RIMS3: variants seen among roughly 807,000 people sequenced by gnomAD.
RIMS3 encodes the protein regulating synaptic membrane exocytosis 3, also known as regulating synaptic membrane exocytosis protein 3.
RIMS3 carries 15 observed loss-of-function variants against 29.2 expected under a neutral mutation model. The observed-to-expected ratio is 0.51, with a 90% CI of 0.34 to 0.79. The LOEUF (loss-of-function observed/expected upper bound fraction) is 0.79. Ranked by LOEUF, RIMS3 falls within the 30% of genes least tolerant of loss-of-function variation. RIMS3 has a pLI of 0.01. For synonymous variants in RIMS3, 161 were observed against 170.1 expected (o/e 0.95, Z 0.41); for missense variants, 342 against 421.4 (o/e 0.81, Z 1.65).
At chr1:40,663,667 G>A (rs1642384485) in intron 1 of RIMS3, among the ~76,000 whole-genome samples, 1 of 152,218 alleles carries the variant, frequency 6.6e-6, no homozygotes, top group Non-Finnish European at 1.5e-5. Flanking sequence ...GTTCTGCGCA[G>A]TAAAATCCAA....
chr1:40,655,154 G>T (rs1203577867), intron 1 of RIMS3, among the ~76,000 whole-genome samples: 1 of 152,176 alleles, frequency 6.6e-6, no homozygotes, highest in Non-Finnish European at 1.5e-5. Context: ...GGACAAAGCG[G>T]GGAGTAGGGG....
At chr1:40,674,974 T>G in the RIMS3 span, among the ~76,000 whole-genome samples, 1 of 152,322 alleles carries the variant, frequency 6.6e-6, no homozygotes, top group Admixed American at 6.5e-5. Flanking sequence ...AGAAAGACAT[T>G]GTTGTCCCAG....
At chr1:40,662,076 A>G (rs1642360656) in intron 1 of RIMS3, among the ~76,000 whole-genome samples, 1 of 152,206 alleles carries the variant, frequency 6.6e-6, no homozygotes, top group African/African-American at 2.4e-5. Context: ...TGAGGGCCAT[A>G]GACCCTAACA....
the RIMS3 span, among the ~76,000 whole-genome samples, chr1:40,682,741 C>CTTTTTTTTTTTTTGTTTTTTTTTTTTT: frequency 1.3e-5 from 1 of 77,514 alleles, no homozygotes; most frequent in Non-Finnish European, 2.5e-5. Context: ...CTTTGCAGAT[C>CTTTTTTTTTTTTTGTTTTTTTTTTTTT]TTTTTTTTTT....
chr1:40,648,998 C>T (rs1646613263), intron 1 of RIMS3, among the ~76,000 whole-genome samples: 1 of 152,202 alleles, frequency 6.6e-6, no homozygotes. Flanking sequence ...GCTCCTTCGG[C>T]TCTAGTCTCT....
Position 40,635,766 on chromosome 1 carries a change from A to G in RIMS3, c.359+150T>C. The G allele has an allele frequency of 1.0e-6, 1 of 959,300 alleles. No homozygotes were observed. Among genetic ancestry groups the G allele is most frequent in the Non-Finnish European group, 1.6e-6 (1 of 634,084 alleles). The allele number at this position is 959,300 out of a possible 1,614,324, so 59.4% of individuals were successfully genotyped here. On this transcript the variant is annotated intron_variant, in intron 4 of 7. Transcript: ENST00000372684. The surrounding 1 kb of genome is among the most constrained non-coding windows in gnomAD (Gnocchi z 4.1). The stretch of plus-strand genomic sequence containing the variant: ...CCTGAGGTCCAGGCACAGAGTGTTG[A>G]GGGGAGGGGTATGAAGGAAGGCAGA...
At chr1:40,668,491 C>CGGGGGGGGGGGGGGGGTGGGGGGGGGG (rs56114535), upstream of RIMS3, among the ~76,000 whole-genome samples, 1 of 51,586 alleles carries the variant, frequency 1.9e-5, no homozygotes, top group African/African-American at 7.7e-5. Flanking sequence ...GGGTTGTGGG[C>CGGGGGGGGGGGGGGGGTGGGGGGGGGG]GGGGGGGGGG....
chr1:40,629,516 T>G, intron 5 of RIMS3, 144 bp from the exon 6 acceptor site: 1 of 723,292 alleles, frequency 1.4e-6, no homozygotes, highest in East Asian at 2.8e-5. Context: ...GGGCCAAAAC[T>G]GCTCTCGGAA....
chr1:40,635,627 C>T lies in RIMS3; in HGVS notation c.359+289G>A, dbSNP rs1646514254. On this transcript the variant is annotated intron_variant, in intron 4 of 7. Transcript: ENST00000372684. This position sits in a 1 kb window ranked among gnomAD's most constrained non-coding sequence, Gnocchi z 4.1. The stretch of plus-strand genomic sequence containing the variant: ...TTCCACCCTTTCCTCTGGAGCAGGG[C>T]AGTGTGTGCGTGGTGGGAGGTGGGA... Among the ~76,000 whole-genome samples, 1 of 152,134 alleles carries T rather than the reference C, an allele frequency of 6.6e-6. No homozygotes were observed. Among genetic ancestry groups the T allele is most frequent in the African/African-American group, 2.4e-5 (1 of 41,428 alleles).
chr1:40,687,627 G>C, the RIMS3 span: 1 of 131,164 alleles, frequency 7.6e-6, no homozygotes, highest in African/African-American at 3.0e-5. Flanking sequence ...AAAAAAAAAT[G>C]GTTAAACCTG....
At chr1:40,643,742 G>A (rs1557675557) in intron 2 of RIMS3, among the ~76,000 whole-genome samples, 1 of 152,126 alleles carries the variant, frequency 6.6e-6, no homozygotes, top group Non-Finnish European at 1.5e-5. Flanking sequence ...GCCTCCCAAA[G>A]TTCTGGGATT....
the RIMS3 span, chr1:40,691,447 G>A: frequency 2.6e-5 from 7 of 268,710 alleles, no homozygotes; most frequent in South Asian, 2.0e-4. Context: ...CTCGCACCAA[G>A]GAGATCCACA....
In RIMS3 at chr1:40,634,868, G is replaced by A. The variant is rs567194728; in HGVS notation, c.359+1048C>T. ...AGGCAGGAGAATCGCTTGAACCTGG[G>A]AGGTGGAGGTTGTGGTGAGCTGAGA... is the stretch of plus-strand genomic sequence containing the variant. On this transcript the variant is annotated intron_variant, in intron 4 of 7. Transcript: ENST00000372684. Among the ~76,000 whole-genome samples, 144 of 151,864 alleles carry A rather than the reference G, an allele frequency of 9.5e-4. 2 individuals carry two copies. Among genetic ancestry groups the A allele is most frequent in the Admixed American group, 9.4e-3 (144 of 15,276 alleles).
intron 2 of RIMS3, among the ~76,000 whole-genome samples, chr1:40,645,539 G>A (rs1464941301): frequency 6.6e-6 from 1 of 152,122 alleles, no homozygotes; most frequent in Admixed American, 6.6e-5. Flanking sequence ...GGGTCTCTGG[G>A]CCCTTTGAGA....
At chr1:40,666,991 C>T (rs913047546), upstream of RIMS3, among the ~76,000 whole-genome samples, 2 of 152,138 alleles carry the variant, frequency 1.3e-5, no homozygotes, top group Admixed American at 6.5e-5. Flanking sequence ...CACCACTGCA[C>T]TCCAGCCTGA....
rs1646427588 is a variant in RIMS3 at position 40,622,483 on chromosome 1, T to TTAAAGAATGTAAAGCTTTAAAGCATG, written c.*4033_*4034insCATGCTTTAAAGCTTTACATTCTTTA. ...ACAGTCCAGTAGAAGAAGCAGCATTTTAAAGAATCTCTTTACATGTCAGGA... is the reference window on the plus strand; with the variant it reads ...ACAGTCCAGTAGAAGAAGCAGCATTTTAAAGAATGTAAAGCTTTAAAGCATGTAAAGAATCTCTTTACATGTCAGGA... On this transcript the variant is annotated 3_prime_UTR_variant, in exon 8 of 8. Transcript: ENST00000372684. 6.6e-6 allele frequency: 1 copy of TTAAAGAATGTAAAGCTTTAAAGCATG among 152,194 alleles called. No individual in the cohort carries two copies. Among genetic ancestry groups the TTAAAGAATGTAAAGCTTTAAAGCATG allele is most frequent in the Non-Finnish European group, 1.5e-5 (1 of 68,050 alleles). 9.4% of individuals were successfully genotyped at this position (152,194 alleles called of 1,614,324 possible).
chr1:40,627,611 A>T (rs892424903), intron 7 of RIMS3, among the ~76,000 whole-genome samples: 5 of 151,046 alleles, frequency 3.3e-5, no homozygotes, highest in Admixed American at 6.6e-5. Flanking sequence ...TTTTATTTTT[A>T]ATTTTTAAGA....
At chr1:40,659,623 G>C (rs897316395) in intron 1 of RIMS3, among the ~76,000 whole-genome samples, 1 of 152,172 alleles carries the variant, frequency 6.6e-6, no homozygotes, top group Non-Finnish European at 1.5e-5. Context: ...AGACATGAGG[G>C]AAAAGCGATT....
upstream of RIMS3, among the ~76,000 whole-genome samples, chr1:40,668,454 A>G (rs2148367928): frequency 1.0e-5 from 1 of 100,118 alleles, no homozygotes; most frequent in East Asian, 3.4e-4. Context: ...ACAGCACTTC[A>G]GACAAATGGG....
Sources: gnomAD v4.1 joint callset for allele counts (sites outside exome capture counted in the v4.1 genomes callset) on GRCh38, gnomAD v4.1.1 for gene constraint, Gnocchi (gnomAD v3.1) non-coding constraint, MANE v1.5 for transcripts, NCBI Gene and HGNC (gene_info 2026-07-23, HGNC 2026-07-21) for gene names.